The following NOL4 variants were observed in gnomAD, a reference collection of about 807,000 sequenced individuals.
NOL4 encodes the protein nucleolar protein 4, also known as cancer/testis antigen 125.
Under a neutral mutation model 75.9 loss-of-function variants are expected in NOL4, and 17 were observed. The ratio of observed to expected loss-of-function variants is 0.22; its 90% CI spans 0.15 to 0.34. NOL4 has a LOEUF of 0.34. Among genes scored for constraint, NOL4 ranks in the 10% least tolerant of loss-of-function variants. The pLI is 1.00. For missense variants in NOL4, 614 were observed against 793.5 expected (o/e 0.77, Z 2.72); for synonymous variants, 292 against 289.9 (o/e 1.01, Z -0.07).
chr18:34,135,955 C>T (rs141769468), intron 1 of NOL4, among the ~76,000 whole-genome samples: 1 of 151,808 alleles, frequency 6.6e-6, no homozygotes, highest in Admixed American at 6.6e-5. Flanking sequence ...ACTAGCAAAC[C>T]AAATCCAACC....
intron 2 of NOL4, among the ~76,000 whole-genome samples, chr18:34,118,497 T>C (rs1172614367): frequency 6.6e-6 from 1 of 152,206 alleles, no homozygotes; most frequent in African/African-American, 2.4e-5. Context: ...TAAAAGCCTG[T>C]GTGTCCTGAT....
intron 1 of NOL4, among the ~76,000 whole-genome samples, chr18:34,203,229 A>G (rs1346822367): frequency 6.6e-6 from 1 of 152,046 alleles, no homozygotes; most frequent in African/African-American, 2.4e-5. Context: ...GAAATCAGAG[A>G]TTTTAGAAAT....
chr18:33,982,956 G>C (rs868227832), intron 6 of NOL4, among the ~76,000 whole-genome samples: 3 of 151,922 alleles, frequency 2.0e-5, no homozygotes, highest in South Asian at 2.1e-4. Context: ...CACCATGTTG[G>C]TCAGGTTGGT....
At chr18:34,014,249 G>A (rs1667446394) in intron 6 of NOL4, among the ~76,000 whole-genome samples, 1 of 151,842 alleles carries the variant, frequency 6.6e-6, no homozygotes, top group Non-Finnish European at 1.5e-5. Flanking sequence ...ATGAAACACA[G>A]TGGACAAAAT....
At chr18:34,108,777 AATAG>A (rs1255183478) in intron 2 of NOL4, among the ~76,000 whole-genome samples, 1 of 152,190 alleles carries the variant, frequency 6.6e-6, no homozygotes, top group East Asian at 1.9e-4. Flanking sequence ...TTCAATAGTA[AATAG>A]ATAGTTCAGA....
At chr18:34,088,096 A>C (rs1005418414) in intron 5 of NOL4, among the ~76,000 whole-genome samples, 2 of 151,906 alleles carry the variant, frequency 1.3e-5, no homozygotes, top group Non-Finnish European at 2.9e-5. Flanking sequence ...GTGCTTAAAA[A>C]AGCACAAATA....
intron 5 of NOL4, among the ~76,000 whole-genome samples, chr18:34,025,111 A>T (rs1221667918): frequency 1.3e-5 from 2 of 152,196 alleles, no homozygotes; most frequent in East Asian, 3.8e-4. Context: ...TTTTATAAAA[A>T]TCTGGAAAAA....
At chr18:34,068,386 AAATTTTTT>A (rs1339621501) in intron 5 of NOL4, among the ~76,000 whole-genome samples, 6 of 152,052 alleles carry the variant, frequency 3.9e-5, no homozygotes, top group African/African-American at 1.4e-4. Context: ...TCTTTTTTTA[AAATTTTTT>A]AATTTTTTAA....
intron 10 of NOL4, among the ~76,000 whole-genome samples, chr18:33,875,038 G>T (rs973750637): frequency 1.3e-5 from 2 of 151,978 alleles, no homozygotes; most frequent in Non-Finnish European, 2.9e-5. Flanking sequence ...ATAGATTTTG[G>T]TCTGTATATC....
intron 6 of NOL4, among the ~76,000 whole-genome samples, chr18:33,999,093 A>T (rs2073500481): frequency 6.6e-6 from 1 of 151,842 alleles, no homozygotes; most frequent in African/African-American, 2.4e-5. Flanking sequence ...AAATTCAGAG[A>T]AGTAGGTGTA....
At chr18:33,975,708 G>A (rs945557523) in intron 6 of NOL4, among the ~76,000 whole-genome samples, 4 of 152,228 alleles carry the variant, frequency 2.6e-5, no homozygotes, top group African/African-American at 9.6e-5. Flanking sequence ...CTAGGAGGCA[G>A]AGGTTGCAGT....
At chr18:34,169,260 T>C (rs149180320) in intron 1 of NOL4, among the ~76,000 whole-genome samples, 102 of 152,016 alleles carry the variant, frequency 6.7e-4, no homozygotes, top group African/African-American at 2.3e-3. Context: ...AGGAGAAATA[T>C]ATAACAACAA....
At chr18:33,876,626 T>C (rs2063945719) in intron 10 of NOL4, among the ~76,000 whole-genome samples, 2 of 152,104 alleles carry the variant, frequency 1.3e-5, no homozygotes, top group South Asian at 4.1e-4. Context: ...TTACAGGGAA[T>C]GACTATTTTG....
chr18:34,125,867 G>T (rs1600671761), intron 2 of NOL4, among the ~76,000 whole-genome samples: 1 of 151,740 alleles, frequency 6.6e-6, no homozygotes, highest in African/African-American at 2.4e-5. Flanking sequence ...GTTTCATTTG[G>T]CAGGAGAGCT....
At chr18:34,109,911 G>C (rs909818533) in intron 2 of NOL4, among the ~76,000 whole-genome samples, 1 of 151,498 alleles carries the variant, frequency 6.6e-6, no homozygotes, top group Non-Finnish European at 1.5e-5. Context: ...CAAAAGAAAT[G>C]CATAAATTCC....
At chr18:34,221,671 C>T (rs2037315781) in intron 1 of NOL4, 2 of 179,126 alleles carry the variant, frequency 1.1e-5, no homozygotes, top group South Asian at 2.0e-4. Flanking sequence ...CTTTTGGTTC[C>T]CAATTTCTAT....
At chr18:34,089,488 A>G (rs989454724) in intron 5 of NOL4, among the ~76,000 whole-genome samples, 18 of 152,334 alleles carry the variant, frequency 1.2e-4, no homozygotes, top group Non-Finnish European at 2.2e-4. Flanking sequence ...GCCACCGGTC[A>G]CATGTAGCTA....
At chr18:34,204,981 T>G (rs2036018823) in intron 1 of NOL4, among the ~76,000 whole-genome samples, 1 of 152,168 alleles carries the variant, frequency 6.6e-6, no homozygotes, top group Non-Finnish European at 1.5e-5. Context: ...TGAACCAATT[T>G]CTGTCATTTG....
At chr18:33,928,819 T>A (rs2067502596) in intron 9 of NOL4, among the ~76,000 whole-genome samples, 1 of 151,860 alleles carries the variant, frequency 6.6e-6, no homozygotes, top group Admixed American at 6.6e-5. Context: ...AAAATTATAG[T>A]TCGTTAAACT....
Sources: allele counts gnomAD v4.1 joint callset (sites outside exome capture counted in the v4.1 genomes callset), GRCh38; gene constraint gnomAD v4.1.1; transcripts MANE v1.5; gene names NCBI Gene and HGNC (gene_info 2026-07-23, HGNC 2026-07-21).